Variants in MLIP observed in about 807,000 individuals in gnomAD.
MLIP encodes the protein muscular LMNA interacting protein.
A neutral mutation model predicts 84.8 loss-of-function variants in MLIP; 79 were observed. The observed-to-expected ratio is 0.93, with a 90% CI of 0.78 to 1.12. The LOEUF is 1.12. Among genes scored for constraint, MLIP ranks in the 50% most tolerant of loss-of-function variants. MLIP has a pLI of 0.00. For missense variants in MLIP, 1,257 were observed against 1,160.6 expected (o/e 1.08, Z -1.21); for synonymous variants, 504 against 463.0 (o/e 1.09, Z -1.14).
In MLIP at chr6:54,111,990, G is replaced by A. The variant is rs527740067; in HGVS notation, c.96+415G>A. Among the ~76,000 whole-genome samples the A allele has an allele frequency of 3.3e-5, 5 of 152,270 alleles. No individual in the cohort carries two copies. The South Asian group carries it at 8.3e-4, about 25-fold the overall frequency. ...AGTTTCTCAAATTATTAGGCTATCC[G>A]GTGAGAAGATGACGTTCTTAGAGAT... On this transcript the variant is annotated intron_variant, in intron 1 of 13. Coordinates refer to ENST00000502396, the MANE Select transcript of MLIP (RefSeq NM_001281747.2).
At chr6:54,056,408 C>A (rs2150324642) in intron 1 of MLIP, among the ~76,000 whole-genome samples, 1 of 152,180 alleles carries the variant, frequency 6.6e-6, no homozygotes, top group South Asian at 2.1e-4. Context: ...GCTTCCCTTC[C>A]TCATTTTTGG....
At position 54,124,718 on chromosome 6, in the gene MLIP, C is replaced by T. The variant is rs201997491; in HGVS notation, c.498C>T (p.Gly166=). 7.9e-5 allele frequency: 128 copies of T among 1,614,188 alleles called. No homozygotes were observed. In the Admixed American group the frequency reaches 2.0e-3, roughly 26 times the overall value. The change falls in exon 3 of 14, where the codon GGC becomes GGT. Residue 166 remains glycine (G), a synonymous_variant. Coordinates refer to ENST00000502396, the MANE Select transcript of MLIP (RefSeq NM_001281747.2). The part of the protein sequence containing the change: ...KVEQGPPGGI[G]TAAVRPKSLA... ...AACAAGGCCCCCCAGGGGGGATTGG[C>T]ACCGCAGCTGTCCGGCCCAAGTCTC...
intron 12 of MLIP, among the ~76,000 whole-genome samples, chr6:54,235,845 C>T (rs1407246297): frequency 1.3e-5 from 2 of 152,058 alleles, no homozygotes; most frequent in Admixed American, 6.6e-5. Context: ...GGGCATCTGA[C>T]CTTCTCTTGT....
At chr6:54,133,047 G>A (rs922903370) in intron 3 of MLIP, among the ~76,000 whole-genome samples, 11 of 152,060 alleles carry the variant, frequency 7.2e-5, no homozygotes, top group African/African-American at 2.7e-4. Flanking sequence ...CTAGAATGTT[G>A]GCAATGCTGG....
At chr6:54,256,029 C>T (rs1240207274) in intron 12 of MLIP, among the ~76,000 whole-genome samples, 1 of 152,062 alleles carries the variant, frequency 6.6e-6, no homozygotes, top group Non-Finnish European at 1.5e-5. Flanking sequence ...TAGGTGCTTC[C>T]AGCTGCTTCC....
rs1363123128 is a variant in MLIP at position 54,064,431 on chromosome 6, A to G, written c.63+45340A>G. The stretch of plus-strand genomic sequence containing the variant: ...GAAGACTATGTGATACAAGAATCTC[A>G]AGACTCAAAGTCTCTTTCAAAAGCC... On this transcript the variant is annotated intron_variant, in intron 1 of 12. Coordinates refer to the MLIP transcript ENST00000274897. Among the ~76,000 whole-genome samples, 11 of 100,172 alleles carry G rather than the reference A, an allele frequency of 1.1e-4. 1 individual carries two copies. The highest frequency in any genetic ancestry group is 2.8e-4 in the African/African-American group (11 of 39,188). The allele number at this position is 100,172 out of a possible 152,430, so 65.7% of individuals were successfully genotyped here.
At chr6:54,251,193 C>A (rs1190229987) in intron 12 of MLIP, among the ~76,000 whole-genome samples, 1 of 151,588 alleles carries the variant, frequency 6.6e-6, no homozygotes, top group African/African-American at 2.4e-5. Context: ...GAAACAAATT[C>A]ATTTCATCAA....
intron 1 of MLIP, among the ~76,000 whole-genome samples, chr6:54,091,812 T>G (rs1767893256): frequency 6.6e-6 from 1 of 152,214 alleles, no homozygotes; most frequent in East Asian, 1.9e-4. Context: ...GTTTCAGAAC[T>G]TGTAAACTTT....
At position 54,123,178 on chromosome 6, in the gene MLIP, G is replaced by C. The variant is rs548613461; in HGVS notation, c.253-1295G>C. Reference sequence around the variant, plus strand: ...TCTCGATCTCCTGACCTCGTGATCCGCCCTCCTCGGCCTCCCAAAGTGCTG... The same window carrying C: ...TCTCGATCTCCTGACCTCGTGATCCCCCCTCCTCGGCCTCCCAAAGTGCTG... On this transcript the variant is annotated intron_variant, in intron 2 of 13. Coordinates refer to ENST00000502396, the MANE Select transcript of MLIP (RefSeq NM_001281747.2). 2.0e-5 allele frequency among the ~76,000 whole-genome samples: 3 copies of C among 148,760 alleles called. No individual in the cohort carries two copies. The South Asian group carries it at 6.4e-4, about 32-fold the overall frequency.
chr6:54,223,707 T>C (rs1399747353), intron 11 of MLIP, among the ~76,000 whole-genome samples: 1 of 152,084 alleles, frequency 6.6e-6, no homozygotes, highest in Admixed American at 6.6e-5. Flanking sequence ...TGAGAGTATT[T>C]TTAATATTGT....
intron 12 of MLIP, among the ~76,000 whole-genome samples, chr6:54,254,883 T>A (rs759079535): frequency 3.3e-5 from 5 of 149,612 alleles, no homozygotes; most frequent in Non-Finnish European, 7.4e-5. Flanking sequence ...CCACAGTAAC[T>A]TTTTTTGAAA....
chr6:54,232,650 T>C (rs1173435688), intron 12 of MLIP, among the ~76,000 whole-genome samples: 2 of 152,254 alleles, frequency 1.3e-5, no homozygotes, highest in African/African-American at 4.8e-5. Context: ...ACATTGTTTG[T>C]TAGATATTGG....
intron 11 of MLIP, among the ~76,000 whole-genome samples, chr6:54,209,497 A>C (rs942790484): frequency 3.3e-5 from 5 of 152,192 alleles, no homozygotes; most frequent in Non-Finnish European, 5.9e-5. Flanking sequence ...TTTTGAAAAA[A>C]GAATTGTATT....
At chr6:54,244,968 A>G (rs1781980179) in intron 12 of MLIP, among the ~76,000 whole-genome samples, 1 of 152,184 alleles carries the variant, frequency 6.6e-6, no homozygotes, top group Non-Finnish European at 1.5e-5. Context: ...TAACAGTTTT[A>G]TACTTTGAGA....
intron 12 of MLIP, among the ~76,000 whole-genome samples, chr6:54,248,810 A>G (rs1782260206): frequency 6.6e-6 from 1 of 152,142 alleles, no homozygotes; most frequent in Non-Finnish European, 1.5e-5. Context: ...TGAGACTCCA[A>G]TATAACAATA....
intron 5 of MLIP, among the ~76,000 whole-genome samples, chr6:54,149,669 C>T (rs1773233147): frequency 6.6e-6 from 1 of 152,066 alleles, no homozygotes; most frequent in Admixed American, 6.6e-5. Flanking sequence ...CCATTCTTGC[C>T]AGCCAGTGGT....
intron 9 of MLIP, among the ~76,000 whole-genome samples, chr6:54,187,995 G>T (rs114055245): frequency 0.013 from 2,029 of 152,276 alleles, 16 homozygotes; most frequent in Non-Finnish European, 0.022. Context: ...GACAGAGGGA[G>T]ACTCCGTCTC....
intron 1 of MLIP, among the ~76,000 whole-genome samples, chr6:54,048,633 TGTTCAAGGC>T (rs1188612281): frequency 6.6e-6 from 1 of 152,136 alleles, no homozygotes; most frequent in East Asian, 1.9e-4. Flanking sequence ...CTAAAACGAA[TGTTCAAGGC>T]ATAGGTTAAA....
intron 12 of MLIP, among the ~76,000 whole-genome samples, chr6:54,255,511 G>C (rs921616724): frequency 1.3e-5 from 2 of 152,114 alleles, no homozygotes; most frequent in Admixed American, 1.3e-4. Flanking sequence ...CAAATCTACT[G>C]TGATAAAAGA....
Sources: allele counts gnomAD v4.1 joint callset (sites outside exome capture counted in the v4.1 genomes callset), GRCh38; gene constraint gnomAD v4.1.1; transcripts MANE v1.5; gene names NCBI Gene and HGNC (gene_info 2026-07-23, HGNC 2026-07-21).